The following AGO3 variants were observed in gnomAD, a reference collection of about 807,000 sequenced individuals.
AGO3 encodes argonaute RISC catalytic component 3.
AGO3 carries 16 observed loss-of-function variants against 105.5 expected under a neutral mutation model. That is an observed-to-expected ratio of 0.15 (90% CI 0.10 to 0.23). The LOEUF (loss-of-function observed/expected upper bound fraction) is 0.23. AGO3 is among the 10% of genes least tolerant of loss of function. The pLI, the probability that AGO3 is intolerant of heterozygous loss-of-function variation, is 1.00. For synonymous variants in AGO3, 340 were observed against 367.3 expected (o/e 0.93, Z 0.85); for missense variants, 534 against 1,088.0 (o/e 0.49, Z 7.16).
intron 17 of AGO3, among the ~76,000 whole-genome samples, chr1:36,048,772 C>T (rs963281504): frequency 6.6e-6 from 1 of 152,182 alleles, no homozygotes; most frequent in African/African-American, 2.4e-5. Flanking sequence ...TCACTGCAAC[C>T]TCTGCCTCCT....
chr1:35,983,997 T>C (rs997692156), intron 5 of AGO3, among the ~76,000 whole-genome samples: 2 of 152,004 alleles, frequency 1.3e-5, no homozygotes, highest in African/African-American at 4.8e-5. Context: ...TTTGAAACTA[T>C]AGAAGTGGAA....
At chr1:35,931,566 TCCCGCCCCTCGC>T in intron 1 of AGO3, 121 bp downstream of exon 1, 2 of 1,090,550 alleles carry the variant, frequency 1.8e-6, no homozygotes, top group Non-Finnish European at 2.4e-6. Flanking sequence ...TCGCTCGGTC[TCCCGCCCCTCGC>T]CCTGCTCCTC....
At chr1:35,969,577 C>T (rs1646831189) in intron 3 of AGO3, among the ~76,000 whole-genome samples, 1 of 152,104 alleles carries the variant, frequency 6.6e-6, no homozygotes, top group South Asian at 2.1e-4. Flanking sequence ...CAGATTTGGC[C>T]AGTGGGAACT....
chr1:36,038,421 A>C (rs535487772), intron 14 of AGO3, among the ~76,000 whole-genome samples: 101 of 151,762 alleles, frequency 6.7e-4, no homozygotes, highest in African/African-American at 2.2e-3. Context: ...ACACCCGGCT[A>C]ATTTTTTGTA....
chr1:36,000,919 T>G (rs1043256222), intron 5 of AGO3, among the ~76,000 whole-genome samples: 1 of 152,098 alleles, frequency 6.6e-6, no homozygotes, highest in Non-Finnish European at 1.5e-5. Context: ...AAGTGAATAT[T>G]GATTTCTCTT....
intron 5 of AGO3, among the ~76,000 whole-genome samples, chr1:35,986,566 A>G (rs1256599091): frequency 3.3e-5 from 5 of 151,912 alleles, no homozygotes; most frequent in East Asian, 3.9e-4. Flanking sequence ...GTGCACGTCT[A>G]TAATCCCAGC....
intron 1 of AGO3, among the ~76,000 whole-genome samples, chr1:35,940,587 G>A (rs959820937): frequency 6.6e-6 from 1 of 152,040 alleles, no homozygotes; most frequent in African/African-American, 2.4e-5. Flanking sequence ...TAAACTGCTA[G>A]TGGATCCAAG....
At chr1:36,015,550 A>G (rs1640862692) in intron 11 of AGO3, among the ~76,000 whole-genome samples, 2 of 152,188 alleles carry the variant, frequency 1.3e-5, no homozygotes. Flanking sequence ...ACCAGACCCC[A>G]TCCTGAAGCT....
intron 11 of AGO3, among the ~76,000 whole-genome samples, chr1:36,019,348 A>G (rs1038114356): frequency 1.3e-5 from 2 of 152,208 alleles, no homozygotes; most frequent in African/African-American, 4.8e-5. Context: ...TCTGTTTGTC[A>G]TCAATCTGAA....
At chr1:36,025,222 A>G (rs1219585412) in intron 11 of AGO3, among the ~76,000 whole-genome samples, 3 of 152,294 alleles carry the variant, frequency 2.0e-5, no homozygotes, top group Admixed American at 2.0e-4. Flanking sequence ...AATATGAGAA[A>G]TAAAATTTTT....
rs1641915014 is a variant in AGO3 at position 36,034,411 on chromosome 1, T to C, written c.1751+78T>C. ...TATATATGACCATATCTAACTACTA[T>C]AAGGGCTGTGTAAGAGACCCCCTTA... On this transcript the variant is annotated intron_variant, in intron 13 of 18. Transcript: ENST00000373191. 3 of 1,076,104 alleles carry C rather than the reference T, an allele frequency of 2.8e-6. No individual in the cohort carries two copies. The South Asian group carries it at 8.5e-5, about 31-fold the overall frequency. The allele number at this position is 1,076,104 out of a possible 1,614,324, so 66.7% of individuals were successfully genotyped here. A position where few individuals can be genotyped will look rare whatever the true frequency, so the allele number is the denominator to read the frequency against.
intron 17 of AGO3, among the ~76,000 whole-genome samples, chr1:36,044,406 TG>T (rs1642377105): frequency 6.6e-6 from 1 of 151,632 alleles, no homozygotes; most frequent in Admixed American, 6.6e-5. Context: ...TTGTTGTTGT[TG>T]TTGTTTTGTT....
At chr1:36,013,416 A>G in intron 9 of AGO3, 2 of 525,520 alleles carry the variant, frequency 3.8e-6, no homozygotes, top group Non-Finnish European at 6.5e-6. Context: ...CAAATTTTGT[A>G]TAAATTACCA....
At chr1:36,004,267 C>T (rs1569732125) in intron 5 of AGO3, 74 bp from the exon 6 acceptor site, 1 of 1,456,898 alleles carries the variant, frequency 6.9e-7, no homozygotes, top group East Asian at 2.3e-5. Flanking sequence ...AGATAGTTAT[C>T]CTGGAGCCTA....
In AGO3 at chr1:35,973,424, C is replaced by T. The variant is rs367796824; in HGVS notation, c.571C>T (p.His191Tyr). The part of the protein sequence containing the change: ...SFFSAPEGYD[H>Y]PLGGGREVWF... The stretch of plus-strand genomic sequence containing the variant: ...TTTCTCCGCTCCAGAAGGATATGAC[C>T]ACCCTCTGGGAGGGGGCAGGGAAGT... Residue 191 changes from histidine to tyrosine, a missense_variant, in exon 5 of 19, where the codon CAC becomes TAC. Coordinates refer to ENST00000373191, the MANE Select transcript of AGO3 (RefSeq NM_024852.4). 6.3e-7 allele frequency: 1 copy of T among 1,593,710 alleles called. No homozygotes were observed. The highest frequency in any genetic ancestry group is 8.6e-7 in the Non-Finnish European group (1 of 1,167,376).
intron 2 of AGO3, among the ~76,000 whole-genome samples, chr1:35,953,497 T>C (rs1433823421): frequency 6.6e-6 from 1 of 152,118 alleles, no homozygotes; most frequent in African/African-American, 2.4e-5. Flanking sequence ...ATATTTTATT[T>C]GGAGAAATGT....
Position 36,043,420 on chromosome 1 carries a change from GTTTAAAC to G in AGO3, c.2173-21_2173-15del, listed in dbSNP as rs769519347. 4.1e-5 allele frequency: 64 copies of G among 1,580,030 alleles called. No individual in the cohort carries two copies. In the South Asian group the frequency reaches 6.5e-4, roughly 16 times the overall value. ...ATATATTTTTACCTTTTTCTTGTTTGTTTAAACTTTAACCAAACAAATCTAGGTTGGA... is the reference window on the plus strand; with the variant it reads ...ATATATTTTTACCTTTTTCTTGTTTGTTTAACCAAACAAATCTAGGTTGGA... On this transcript the variant is annotated intron_variant, in intron 16 of 18. Transcript: ENST00000373191.
chr1:35,934,178 T>A (rs1484822405), intron 1 of AGO3, among the ~76,000 whole-genome samples: 1 of 152,180 alleles, frequency 6.6e-6, no homozygotes, highest in Non-Finnish European at 1.5e-5. Flanking sequence ...GCTGCAGAAA[T>A]GCTTGATGAT....
At position 36,070,583 on chromosome 1, in the gene AGO3, A is replaced by G. The variant is rs1171128299; in HGVS notation, c.*14838A>G. 2 of 152,178 alleles carry G rather than the reference A, an allele frequency of 1.3e-5. No homozygotes were observed. Among genetic ancestry groups the G allele is most frequent in the South Asian group, 2.1e-4 (1 of 4,830 alleles). 9.4% of individuals were successfully genotyped at this position (152,178 alleles called of 1,614,324 possible). On this transcript the variant is annotated 3_prime_UTR_variant, in exon 19 of 19. Transcript: ENST00000373191. ...AAAAAAGGATGCATTTTAGGTACACAGGGTATGGACGCATTCAACATTTAC... is the reference window on the plus strand; with the variant it reads ...AAAAAAGGATGCATTTTAGGTACACGGGGTATGGACGCATTCAACATTTAC...
Sources: gnomAD v4.1 joint callset for allele counts (sites outside exome capture counted in the v4.1 genomes callset) on GRCh38, gnomAD v4.1.1 for gene constraint, MANE v1.5 for transcripts, NCBI Gene and HGNC (gene_info 2026-07-23, HGNC 2026-07-21) for gene names.